Variants in CASP8 observed in about 807,000 individuals in gnomAD.
CASP8 encodes caspase 8.
A neutral mutation model predicts 46.3 loss-of-function variants in CASP8; 24 were observed. That is an observed-to-expected ratio of 0.52 (90% confidence interval 0.38 to 0.73). CASP8 has a LOEUF of 0.73. Ranked by LOEUF, CASP8 falls within the 30% of genes least tolerant of loss-of-function variation. CASP8 has a pLI of 0.00. For missense variants in CASP8, 460 were observed against 559.0 expected (o/e 0.82, Z 1.79); for synonymous variants, 188 against 200.4 (o/e 0.94, Z 0.52).
intron 7 of CASP8, among the ~76,000 whole-genome samples, chr2:201,282,849 C>T (rs1317682349): frequency 2.8e-5 from 2 of 72,340 alleles, no homozygotes; most frequent in African/African-American, 4.2e-5. Flanking sequence ...CCGGACGGGG[C>T]GGCTGGCCGG....
chr2:201,269,400 A>G, intron 2 of CASP8: 2 of 707,548 alleles, frequency 2.8e-6, no homozygotes, highest in South Asian at 1.5e-5. Flanking sequence ...TGAAGTCTTT[A>G]TAAGGCACTT....
chr2:201,251,956 G>T (rs936606166), intron 2 of CASP8, among the ~76,000 whole-genome samples: 1 of 151,820 alleles, frequency 6.6e-6, no homozygotes, highest in Non-Finnish European at 1.5e-5. Context: ...CAAAGTGTCC[G>T]TATGAGTTTT....
intron 7 of CASP8, among the ~76,000 whole-genome samples, chr2:201,282,103 C>T (rs2125402062): frequency 1.5e-5 from 1 of 65,456 alleles, no homozygotes; most frequent in East Asian, 3.9e-4. Flanking sequence ...GTGTTTGTGT[C>T]CCTGGGTACT....
At chr2:201,264,599 T>C (rs1947662317) in intron 1 of CASP8, among the ~76,000 whole-genome samples, 1 of 152,192 alleles carries the variant, frequency 6.6e-6, no homozygotes, top group Non-Finnish European at 1.5e-5. Flanking sequence ...ATTTCTACAC[T>C]GAACATGTCT....
rs1235533503 is a variant in CASP8 at position 201,260,588 on chromosome 2, G to A, written c.-52G>A. 8 of 983,874 alleles carry A rather than the reference G, an allele frequency of 8.1e-6. No homozygotes were observed. The highest frequency in any genetic ancestry group is 4.7e-5 in the South Asian group (1 of 21,268). The allele number at this position is 983,874 out of a possible 1,614,324, so 60.9% of individuals were successfully genotyped here. On this transcript the variant is annotated 5_prime_UTR_variant, in exon 1 of 9. Coordinates refer to ENST00000673742, the MANE Select transcript of CASP8 (RefSeq NM_001372051.1). ...AGATGGTAGTGGATAGGCCTGTGAC[G>A]AAGGTGCTACCATCGTGAGAGTAAG...
chr2:201,269,652 G>C (rs1948105512), intron 2 of CASP8: 1 of 1,361,958 alleles, frequency 7.3e-7, no homozygotes, highest in African/African-American at 1.4e-5. Context: ...AGAGATAAAA[G>C]GGTCCGGGCA....
At chr2:201,274,821 C>G (rs1338455674) in intron 5 of CASP8, 68 bp from the exon 6 acceptor site, 1 of 1,189,174 alleles carries the variant, frequency 8.4e-7, no homozygotes, top group African/African-American at 1.5e-5. Flanking sequence ...CTATGTGCTA[C>G]ATATTTCATT....
At chr2:201,282,097 T>C (rs1209396100) in intron 7 of CASP8, among the ~76,000 whole-genome samples, 2 of 67,052 alleles carry the variant, frequency 3.0e-5, no homozygotes, top group Admixed American at 2.5e-4. Flanking sequence ...TCCGCAGTGT[T>C]TGTGTCCCTG....
At chr2:201,285,457 C>T (rs1949512431) in intron 8 of CASP8, 140 bp downstream of exon 8, 1 of 1,040,394 alleles carries the variant, frequency 9.6e-7, no homozygotes, top group Non-Finnish European at 1.5e-6. Flanking sequence ...GAGAACTGTC[C>T]AAGGGGAGTG....
chr2:201,269,674 C>A, intron 2 of CASP8: 1 of 1,063,564 alleles, frequency 9.4e-7, no homozygotes, highest in Non-Finnish European at 1.4e-6. Context: ...TCCTGACTTA[C>A]TGCTTGTTCA....
Position 201,260,556 on chromosome 2 carries a change from G to A in CASP8, c.-84G>A. ...TCATTAGACGTTTGCTCTTGTCTTA[G>A]ATGCTCAGATGGTAGTGGATAGGCC... On this transcript the variant is annotated 5_prime_UTR_variant, in exon 1 of 9. Coordinates refer to ENST00000673742, the MANE Select transcript of CASP8 (RefSeq NM_001372051.1). 1 of 985,470 alleles carries A rather than the reference G, an allele frequency of 1.0e-6. No homozygotes were observed. The highest frequency in any genetic ancestry group is 6.1e-5 in the Admixed American group (1 of 16,284). 61.0% of individuals were successfully genotyped at this position (985,470 alleles called of 1,614,324 possible).
intron 8 of CASP8, 132 bp downstream of exon 8, chr2:201,285,449 G>A: frequency 8.8e-7 from 1 of 1,135,850 alleles, no homozygotes. Flanking sequence ...ACAGGTCAGA[G>A]AACTGTCCAA....
At chr2:201,286,410 C>T in intron 8 of CASP8, 49 bp from the exon 9 acceptor site, 1 of 1,595,914 alleles carries the variant, frequency 6.3e-7, no homozygotes, top group East Asian at 2.2e-5. Flanking sequence ...GACAGTTCAT[C>T]AGTTGCTTTC....
chr2:201,241,440 G>T (rs1351183629), intron 2 of CASP8: 1 of 152,056 alleles, frequency 6.6e-6, no homozygotes, highest in Non-Finnish European at 1.5e-5. Flanking sequence ...CAACAAACTG[G>T]ATAATCTAGA....
intron 2 of CASP8, among the ~76,000 whole-genome samples, chr2:201,270,746 G>T (rs1277018069): frequency 6.6e-6 from 1 of 152,008 alleles, no homozygotes; most frequent in Non-Finnish European, 1.5e-5. Flanking sequence ...TGCCCAGGCT[G>T]GTCTCAAACC....
At chr2:201,283,105 A>T (rs1468106793) in intron 7 of CASP8, among the ~76,000 whole-genome samples, 1 of 35,306 alleles carries the variant, frequency 2.8e-5, no homozygotes, top group African/African-American at 9.2e-5. Flanking sequence ...TGACCCCCCC[A>T]CCTCCCTCCT....
chr2:201,263,043 G>T (rs1282928333), intron 1 of CASP8, among the ~76,000 whole-genome samples: 1 of 152,182 alleles, frequency 6.6e-6, no homozygotes, highest in Non-Finnish European at 1.5e-5. Context: ...TTGTCACGTT[G>T]TTGAAAAGGT....
At chr2:201,248,643 C>T (rs1399274154) in intron 2 of CASP8, among the ~76,000 whole-genome samples, 1 of 152,168 alleles carries the variant, frequency 6.6e-6, no homozygotes, top group East Asian at 1.9e-4. Flanking sequence ...CCATGCTGTT[C>T]TGCCACACCC....
At position 201,286,588 on chromosome 2, in the gene CASP8, T is replaced by A; in HGVS notation, c.1434T>A (p.Ser478=). 1 of 1,613,558 alleles carries A rather than the reference T, an allele frequency of 6.2e-7. No homozygotes were observed. Among genetic ancestry groups the A allele is most frequent in the Non-Finnish European group, 8.5e-7 (1 of 1,179,526 alleles). ...FTLRKKLVFP[S]D is the part of the protein sequence containing the mutation. ...TAAGAAAAAAACTTGTCTTCCCTTCTGATTGATGGTGCTATTTTGTTTGTT... is the reference window on the plus strand; with the variant it reads ...TAAGAAAAAAACTTGTCTTCCCTTCAGATTGATGGTGCTATTTTGTTTGTT... Residue 478 remains serine, a synonymous_variant, in exon 9 of 9, where the codon TCT becomes TCA. Coordinates refer to ENST00000673742, the MANE Select transcript of CASP8 (RefSeq NM_001372051.1).
Sources: allele counts gnomAD v4.1 joint callset (sites outside exome capture counted in the v4.1 genomes callset), GRCh38; gene constraint gnomAD v4.1.1; transcripts MANE v1.5; gene names NCBI Gene and HGNC (gene_info 2026-07-23, HGNC 2026-07-21).